BARX2: variants seen among roughly 807,000 people sequenced by gnomAD.
BARX2 encodes the protein BARX homeobox 2.
BARX2 carries 11 observed loss-of-function variants against 25.5 expected under a neutral mutation model. That is an observed-to-expected ratio of 0.43 (90% CI 0.27 to 0.71). The LOEUF is 0.71. Among genes scored for constraint, BARX2 ranks in the 30% least tolerant of loss-of-function variants. The pLI is 0.19. For missense variants in BARX2, 360 were observed against 359.9 expected, an observed-to-expected ratio of 1.00 and a Z score of 0.00; for synonymous variants, 137 against 149.5, an observed-to-expected ratio of 0.92 and a Z score of 0.61.
intron 1 of BARX2, among the ~76,000 whole-genome samples, chr11:129,414,783 C>T (rs1486553101): frequency 6.6e-6 from 1 of 152,216 alleles, no homozygotes; most frequent in Non-Finnish European, 1.5e-5. Flanking sequence ...TGTGAAGATA[C>T]TACCTAAGCT....
intron 1 of BARX2, among the ~76,000 whole-genome samples, chr11:129,429,986 TCTAA>T (rs1291278188): frequency 9.9e-5 from 15 of 152,192 alleles, no homozygotes; most frequent in Non-Finnish European, 2.1e-4. Context: ...TTCGTGGTTT[TCTAA>T]CTTTCTCTTC....
chr11:129,428,390 A>G (rs1862091323), intron 1 of BARX2, among the ~76,000 whole-genome samples: 1 of 152,178 alleles, frequency 6.6e-6, no homozygotes, highest in Admixed American at 6.5e-5. Context: ...GTGTCTCCTA[A>G]TGTATGCATT....
chr11:129,388,236 CTT>C (rs2135386453), intron 1 of BARX2, among the ~76,000 whole-genome samples: 1 of 152,234 alleles, frequency 6.6e-6, no homozygotes, highest in South Asian at 2.1e-4. Flanking sequence ...GCCAGTTCGT[CTT>C]TCATTTCCTG....
intron 1 of BARX2, among the ~76,000 whole-genome samples, chr11:129,408,595 C>A (rs1861856042): frequency 6.6e-6 from 1 of 152,132 alleles, no homozygotes; most frequent in South Asian, 2.1e-4. Context: ...CTATGTTGTT[C>A]CACTCTCTGG....
intron 1 of BARX2, among the ~76,000 whole-genome samples, chr11:129,379,444 C>T (rs753191829): frequency 2.6e-5 from 4 of 152,126 alleles, no homozygotes; most frequent in East Asian, 1.9e-4. Context: ...GAGCATTGAC[C>T]GTCATTACAA....
At chr11:129,405,749 C>A (rs1044910898) in intron 1 of BARX2, among the ~76,000 whole-genome samples, 1 of 152,186 alleles carries the variant, frequency 6.6e-6, no homozygotes, top group Admixed American at 6.5e-5. Flanking sequence ...CATTCTGACC[C>A]TAGTCTCCAC....
chr11:129,380,174 C>T (rs905077773), intron 1 of BARX2, among the ~76,000 whole-genome samples: 3 of 152,076 alleles, frequency 2.0e-5, no homozygotes, highest in Admixed American at 6.5e-5. Context: ...AACTTGGTTA[C>T]ACACCCGGGA....
intron 2 of BARX2, among the ~76,000 whole-genome samples, chr11:129,440,919 G>A (rs1326630789): frequency 6.6e-6 from 1 of 152,200 alleles, no homozygotes; most frequent in African/African-American, 2.4e-5. Flanking sequence ...AAAAAGTGGG[G>A]GTTGCTGCCC....
intron 1 of BARX2, among the ~76,000 whole-genome samples, chr11:129,417,397 G>C (rs1861956874): frequency 6.6e-6 from 1 of 152,182 alleles, no homozygotes; most frequent in African/African-American, 2.4e-5. Context: ...GCTGTGCGGT[G>C]AAGAGGGAAG....
At chr11:129,419,737 C>T (rs964832588) in intron 1 of BARX2, among the ~76,000 whole-genome samples, 2 of 151,996 alleles carry the variant, frequency 1.3e-5, no homozygotes, top group Admixed American at 6.6e-5. Flanking sequence ...GTTGACTCTT[C>T]CTGAGGCCCT....
At chr11:129,428,190 A>G (rs1217376714) in intron 1 of BARX2, among the ~76,000 whole-genome samples, 4 of 152,190 alleles carry the variant, frequency 2.6e-5, no homozygotes, top group African/African-American at 4.8e-5. Flanking sequence ...TGTTTAAACA[A>G]TGTCTTTGGT....
intron 3 of BARX2, among the ~76,000 whole-genome samples, chr11:129,447,017 C>T (rs1388052611): frequency 6.6e-6 from 1 of 152,196 alleles, no homozygotes; most frequent in African/African-American, 2.4e-5. Context: ...AGACGTAGAA[C>T]AGTGGCCCAT....
chr11:129,405,573 C>A (rs1245397074), intron 1 of BARX2, among the ~76,000 whole-genome samples: 1 of 152,006 alleles, frequency 6.6e-6, no homozygotes, highest in Admixed American at 6.5e-5. Context: ...CCATAACTGA[C>A]AATATAACTT....
intron 1 of BARX2, among the ~76,000 whole-genome samples, chr11:129,396,439 C>G (rs1861722425): frequency 6.6e-6 from 1 of 151,626 alleles, no homozygotes; most frequent in African/African-American, 2.4e-5. Flanking sequence ...TTTGTCACAC[C>G]TAGCTAGTAG....
chr11:129,407,661 C>G (rs1490990181), intron 1 of BARX2, among the ~76,000 whole-genome samples: 6 of 152,166 alleles, frequency 3.9e-5, no homozygotes, highest in Non-Finnish European at 7.3e-5. Flanking sequence ...AAATATGCAG[C>G]ACTCTACTAA....
intron 3 of BARX2, among the ~76,000 whole-genome samples, chr11:129,448,700 A>G (rs1862359807): frequency 6.6e-6 from 1 of 152,242 alleles, no homozygotes; most frequent in Non-Finnish European, 1.5e-5. Context: ...TTTGGAAAAC[A>G]GTCCTCAAAA....
chr11:129,437,463 A>G (rs980294740), intron 2 of BARX2: 139 of 993,028 alleles, frequency 1.4e-4, no homozygotes, highest in Non-Finnish European at 1.6e-4. Context: ...CACAGCCTCC[A>G]GCTGATTCCC....
At chr11:129,419,292 T>C (rs2135402453) in intron 1 of BARX2, among the ~76,000 whole-genome samples, 1 of 150,928 alleles carries the variant, frequency 6.6e-6, no homozygotes, top group East Asian at 1.9e-4. Context: ...ATTAGAAATC[T>C]CTTGGCCTTT....
chr11:129,447,180 T>C (rs1862340775), intron 3 of BARX2, among the ~76,000 whole-genome samples: 1 of 152,112 alleles, frequency 6.6e-6, no homozygotes, highest in South Asian at 2.1e-4. Flanking sequence ...ATCTGAAAAG[T>C]AGAGGGAAGG....
Sources: gnomAD v4.1 joint callset for allele counts (sites outside exome capture counted in the v4.1 genomes callset) on GRCh38, gnomAD v4.1.1 for gene constraint, MANE v1.5 for transcripts, NCBI Gene and HGNC (gene_info 2026-07-23, HGNC 2026-07-21) for gene names.